Variants in STXBP6 observed in about 807,000 individuals in gnomAD.
STXBP6 encodes syntaxin-binding protein 6.
Under a neutral mutation model 26.9 loss-of-function variants are expected in STXBP6, and 21 were observed. The observed-to-expected ratio is 0.78, with a 90% CI of 0.55 to 1.12. The LOEUF (loss-of-function observed/expected upper bound fraction) is 1.12. Among genes scored for constraint, STXBP6 ranks in the 50% most tolerant of loss-of-function variants. STXBP6 has a pLI of 0.00. For missense variants in STXBP6, 232 were observed against 257.9 expected, an observed-to-expected ratio of 0.90 and a Z score of 0.69; for synonymous variants, 97 against 92.6, an observed-to-expected ratio of 1.05 and a Z score of -0.27.
intron 4 of STXBP6, among the ~76,000 whole-genome samples, chr14:24,852,047 T>C (rs185781654): frequency 1.3e-5 from 2 of 152,270 alleles, no homozygotes; most frequent in Admixed American, 6.5e-5. Context: ...CTCTTCCTCA[T>C]TGTTTTGTTC....
chr14:25,014,749 GTATT>G (rs1473522230), intron 1 of STXBP6, among the ~76,000 whole-genome samples: 1 of 152,190 alleles, frequency 6.6e-6, no homozygotes, highest in Non-Finnish European at 1.5e-5. Flanking sequence ...GAACAAAACT[GTATT>G]TATAGTATGA....
At chr14:24,818,152 C>T (rs2068034925) in intron 5 of STXBP6, 2 of 456,614 alleles carry the variant, frequency 4.4e-6, no homozygotes, top group Non-Finnish European at 8.8e-6. Flanking sequence ...GCCTGACATG[C>T]CAACACAAGT....
At chr14:24,929,367 T>A (rs2072297766) in intron 2 of STXBP6, among the ~76,000 whole-genome samples, 1 of 152,200 alleles carries the variant, frequency 6.6e-6, no homozygotes, top group African/African-American at 2.4e-5. Context: ...CTTTAAGACA[T>A]GAAACACCTA....
At chr14:25,004,240 G>A (rs1435122792) in intron 1 of STXBP6, among the ~76,000 whole-genome samples, 1 of 152,204 alleles carries the variant, frequency 6.6e-6, no homozygotes, top group Non-Finnish European at 1.5e-5. Context: ...GGCTGAGTAG[G>A]ATTTTCTCAG....
At chr14:25,042,481 G>A (rs2075659143) in intron 1 of STXBP6, among the ~76,000 whole-genome samples, 1 of 152,196 alleles carries the variant, frequency 6.6e-6, no homozygotes, top group Admixed American at 6.5e-5. Context: ...ATAGCATTTA[G>A]CATTTCAGGC....
At chr14:24,916,087 GCCTTTTCCTGTA>G (rs2071754636) in intron 2 of STXBP6, among the ~76,000 whole-genome samples, 1 of 152,072 alleles carries the variant, frequency 6.6e-6, no homozygotes, top group African/African-American at 2.4e-5. Flanking sequence ...AAAATCAACA[GCCTTTTCCTGTA>G]CAGCTTAAGG....
chr14:24,815,448 ATT>A (rs963088999), intron 5 of STXBP6, among the ~76,000 whole-genome samples: 1 of 149,772 alleles, frequency 6.7e-6, no homozygotes, highest in African/African-American at 2.4e-5. Context: ...CATGTATTTT[ATT>A]TTTTATAATA....
At chr14:24,929,480 A>G (rs1413767971) in intron 2 of STXBP6, among the ~76,000 whole-genome samples, 1 of 152,194 alleles carries the variant, frequency 6.6e-6, no homozygotes, top group Non-Finnish European at 1.5e-5. Flanking sequence ...TTTACTGGAG[A>G]CTGCAGAGAT....
At position 25,049,294 on chromosome 14, in the gene STXBP6, C is replaced by A; in HGVS notation, c.-33+584G>T. On this transcript the variant is annotated intron_variant, in intron 1 of 5. Coordinates refer to ENST00000323944, the MANE Select transcript of STXBP6 (RefSeq NM_001394410.1). The surrounding 1 kb of genome is among the most constrained non-coding windows in gnomAD (Gnocchi z 5.6). ...CGAATTCGGAACCTGGCGCCCTTGA[C>A]CAAGCCTGAGATCGGAAAGGGGGCA... The A allele has an allele frequency of 3.0e-6, 3 of 985,464 alleles. No individual in the cohort carries two copies. The highest frequency in any genetic ancestry group is 3.6e-6 in the Non-Finnish European group (3 of 829,946). The allele number at this position is 985,464 out of a possible 1,614,324, so 61.0% of individuals were successfully genotyped here. A position where few individuals can be genotyped will look rare whatever the true frequency, so the allele number is the denominator to read the frequency against.
chr14:24,818,245 C>T (rs2068037697), intron 5 of STXBP6: 1 of 422,016 alleles, frequency 2.4e-6, no homozygotes, highest in Non-Finnish European at 4.7e-6. Context: ...AGCACAACAA[C>T]AGTAATAAAT....
At chr14:24,854,263 AGT>A (rs2069251936) in intron 4 of STXBP6, among the ~76,000 whole-genome samples, 1 of 152,184 alleles carries the variant, frequency 6.6e-6, no homozygotes. Flanking sequence ...TTGGAAGGAC[AGT>A]GAGTGTGTGG....
intron 2 of STXBP6, among the ~76,000 whole-genome samples, chr14:24,954,272 T>C (rs965619844): frequency 5.3e-5 from 8 of 152,092 alleles, no homozygotes; most frequent in African/African-American, 1.9e-4. Context: ...CAAGGTTTGG[T>C]AGCAGCTGAA....
intron 2 of STXBP6, among the ~76,000 whole-genome samples, chr14:24,971,583 G>A (rs1423735296): frequency 8.5e-6 from 1 of 117,088 alleles, no homozygotes; most frequent in African/African-American, 4.9e-5. Flanking sequence ...GCTACAAAGA[G>A]GTCCTAGACT....
intron 2 of STXBP6, among the ~76,000 whole-genome samples, chr14:24,968,390 G>A (rs911209394): frequency 6.6e-6 from 1 of 151,822 alleles, no homozygotes; most frequent in African/African-American, 2.4e-5. Context: ...TATAGACTTT[G>A]AGATGAGAGC....
chr14:24,833,214 A>C (rs536646893), intron 4 of STXBP6, among the ~76,000 whole-genome samples: 12 of 151,950 alleles, frequency 7.9e-5, no homozygotes, highest in South Asian at 2.1e-4. Context: ...GCACCTGCAC[A>C]CTCCTTTCCT....
chr14:24,910,378 C>T (rs2071528831), intron 2 of STXBP6, among the ~76,000 whole-genome samples: 1 of 152,180 alleles, frequency 6.6e-6, no homozygotes, highest in Non-Finnish European at 1.5e-5. Context: ...AGAGTTTTTG[C>T]CTTTGTTGTT....
At chr14:24,865,008 A>C (rs985125169) in intron 2 of STXBP6, among the ~76,000 whole-genome samples, 3 of 152,158 alleles carry the variant, frequency 2.0e-5, no homozygotes, top group Non-Finnish European at 4.4e-5. Context: ...GATCAACTAC[A>C]TTATAAAAAT....
chr14:24,844,573 GGA>G (rs2068888979), intron 4 of STXBP6, among the ~76,000 whole-genome samples: 2 of 152,220 alleles, frequency 1.3e-5, no homozygotes, highest in South Asian at 2.1e-4. Context: ...CCAGAGAATT[GGA>G]GAGTTACTTG....
chr14:25,018,970 A>T (rs2075210819), intron 1 of STXBP6, among the ~76,000 whole-genome samples: 2 of 152,228 alleles, frequency 1.3e-5, no homozygotes, highest in South Asian at 4.1e-4. Flanking sequence ...AATTTAACTC[A>T]ATTCCTTTCT....
Sources: allele counts gnomAD v4.1 joint callset (sites outside exome capture counted in the v4.1 genomes callset), GRCh38; gene constraint gnomAD v4.1.1; non-coding constraint Gnocchi (gnomAD v3.1); transcripts MANE v1.5; gene names NCBI Gene and HGNC (gene_info 2026-07-23, HGNC 2026-07-21).